Variants in LRP2 observed in about 807,000 individuals in gnomAD.
LRP2 encodes the protein LDL receptor related protein 2, also known as low-density lipoprotein receptor-related protein 2.
A neutral mutation model predicts 531.0 loss-of-function variants in LRP2; 172 were observed. That is an observed-to-expected ratio of 0.32 (90% CI 0.29 to 0.37). The LOEUF (loss-of-function observed/expected upper bound fraction) is 0.37. LRP2 is among the 10% of genes least tolerant of loss of function. The pLI is 1.00. For missense variants in LRP2, 5,167 were observed against 5,868.3 expected, an observed-to-expected ratio of 0.88 and a Z score of 3.90; for synonymous variants, 1,992 against 2,027.6, an observed-to-expected ratio of 0.98 and a Z score of 0.47.
rs1040940590 is a variant in LRP2, at chr2:169,181,457, C to A, written c.10160G>T (p.Gly3387Val). 1 of 1,613,954 alleles carries A rather than the reference C, an allele frequency of 6.2e-7. No individual in the cohort carries two copies. The highest frequency in any genetic ancestry group is 1.3e-5 in the African/African-American group (1 of 74,926). ...DLLYWADAHL[G>V]YIEYSDLEGH... ...TTTTCTATGTACGTACTCTATGTAA[C>A]CCAGGTGGGCATCTGCCCAGTAGAG... is the stretch of plus-strand genomic sequence containing the variant. The change falls in exon 52 of 79, where the codon GGT (glycine) becomes GTT (valine). Residue 3387 changes from glycine to valine, a missense_variant. Around this residue, in one of 6 missense-constraint regions of LRP2, gnomAD observed 1,129 missense variants for 1,362.7 expected, o/e 0.83. Coordinates refer to ENST00000649046, the MANE Select transcript of LRP2 (RefSeq NM_004525.3).
intron 18 of LRP2, among the ~76,000 whole-genome samples, chr2:169,256,702 A>G (rs968004680): frequency 2.6e-5 from 4 of 152,116 alleles, no homozygotes; most frequent in South Asian, 4.1e-4. Context: ...CCCAAAGTGC[A>G]TGTAAGCAAA....
At chr2:169,224,645 C>G (rs754872688) in intron 33 of LRP2, among the ~76,000 whole-genome samples, 58 of 152,134 alleles carry the variant, frequency 3.8e-4, no homozygotes, top group Admixed American at 2.3e-3. Flanking sequence ...TCTCTGCTTA[C>G]CATAATCTTC....
intron 22 of LRP2, among the ~76,000 whole-genome samples, chr2:169,244,474 C>G (rs1689928716): frequency 6.6e-6 from 1 of 152,138 alleles, no homozygotes; most frequent in South Asian, 2.1e-4. Context: ...GCTTTGCTTC[C>G]ATAGAACTCA....
chr2:169,311,698 T>C (rs1054810874), intron 3 of LRP2, among the ~76,000 whole-genome samples: 14 of 152,208 alleles, frequency 9.2e-5, no homozygotes, highest in African/African-American at 3.4e-4. Context: ...TGGAGAGTTC[T>C]GTAGATGTCT....
At chr2:169,159,299 T>G (rs1017587405) in intron 63 of LRP2, among the ~76,000 whole-genome samples, 1 of 152,214 alleles carries the variant, frequency 6.6e-6, no homozygotes, top group African/African-American at 2.4e-5. Context: ...CTATCTGTTT[T>G]CCATAGTATG....
At chr2:169,291,035 G>A (rs765701189) in intron 7 of LRP2, 38 bp from the exon 8 acceptor site, 17 of 1,602,020 alleles carry the variant, frequency 1.1e-5, no homozygotes, top group South Asian at 6.6e-5. Context: ...GGCCATAGGG[G>A]AGGTACAGCC....
chr2:169,132,075 G>T (rs565437263), intron 77 of LRP2, among the ~76,000 whole-genome samples: 84 of 152,150 alleles, frequency 5.5e-4, no homozygotes, highest in African/African-American at 1.8e-3. Context: ...TTAGATGATT[G>T]GTTGGCCAAT....
chr2:169,284,686 T>C (rs1042229499), intron 9 of LRP2, among the ~76,000 whole-genome samples: 1 of 152,162 alleles, frequency 6.6e-6, no homozygotes, highest in African/African-American at 2.4e-5. Flanking sequence ...CAATCCGATC[T>C]GGACACTACC....
intron 1 of LRP2, among the ~76,000 whole-genome samples, chr2:169,347,466 A>G (rs963007939): frequency 1.3e-5 from 2 of 152,134 alleles, no homozygotes; most frequent in African/African-American, 4.8e-5. Context: ...TTTTTTCATT[A>G]GTAGTAAACA....
At chr2:169,147,847 C>A (rs1198611260) in intron 68 of LRP2, among the ~76,000 whole-genome samples, 2 of 152,084 alleles carry the variant, frequency 1.3e-5, no homozygotes, top group African/African-American at 4.8e-5. Flanking sequence ...CCCAGGAAGG[C>A]AGACCTACCC....
chr2:169,280,439 C>A lies in LRP2; in HGVS notation c.1252G>T (p.Val418Leu), dbSNP rs1434079904. The change falls in exon 11 of 79, where the codon GTG becomes TTG. Residue 418 changes from valine to leucine, a missense_variant. Val to Leu is a conservative substitution (Grantham distance 32, BLOSUM62 1). Around this residue, in one of 6 missense-constraint regions of LRP2, gnomAD observed 2,811 missense variants for 3,058.0 expected, o/e 0.92. Transcript: ENST00000649046. ...DIHGRSFRIL[V>L]ESQNRGVAVG... ...GCCACTCCACGATTCTGAGACTCCA[C>A]TAGGATCCGGAAGCTCCTTCCATGA... 1 of 1,614,082 alleles carries A rather than the reference C, an allele frequency of 6.2e-7. No individual in the cohort carries two copies. Among genetic ancestry groups the A allele is most frequent in the Non-Finnish European group, 8.5e-7 (1 of 1,180,040 alleles).
At chr2:169,136,744 ACT>A (rs1349798209) in intron 76 of LRP2, among the ~76,000 whole-genome samples, 1 of 150,080 alleles carries the variant, frequency 6.7e-6, no homozygotes, top group Non-Finnish European at 1.5e-5. Flanking sequence ...CCCTTCGCTG[ACT>A]CTCTTTTCGG....
intron 1 of LRP2, among the ~76,000 whole-genome samples, chr2:169,324,281 T>G (rs1017215597): frequency 6.6e-6 from 1 of 152,160 alleles, no homozygotes; most frequent in Non-Finnish European, 1.5e-5. Flanking sequence ...TCGTGCTACT[T>G]GACCACTACT....
At chr2:169,282,803 C>A in intron 10 of LRP2, 70 bp downstream of exon 10, 3 of 1,518,106 alleles carry the variant, frequency 2.0e-6, no homozygotes, top group Admixed American at 3.3e-5. Context: ...CTGTTGTCAT[C>A]AGAAGGAAGG....
At chr2:169,197,524 T>C (rs1397983882) in intron 45 of LRP2, among the ~76,000 whole-genome samples, 1 of 152,252 alleles carries the variant, frequency 6.6e-6, no homozygotes, top group Non-Finnish European at 1.5e-5. Context: ...AGACTTTTAG[T>C]TGAGTAAGTG....
Position 169,157,250 on chromosome 2 carries a change from G to A in LRP2, c.12019+121C>T, listed in dbSNP as rs1325765493. ...GAGTAGTTTAATGACCTAGAACCAT[G>A]AAACCATGAGTATGGTACCATTAAG... On this transcript the variant is annotated intron_variant, in intron 64 of 78. Coordinates refer to ENST00000649046, the MANE Select transcript of LRP2 (RefSeq NM_004525.3). The A allele has an allele frequency of 4.7e-5, 51 of 1,083,112 alleles. No individual in the cohort carries two copies. The East Asian group carries it at 1.3e-3, about 27-fold the overall frequency. The allele number at this position is 1,083,112 out of a possible 1,614,324, so 67.1% of individuals were successfully genotyped here. A position where few individuals can be genotyped will look rare whatever the true frequency, so the allele number is the denominator to read the frequency against.
At chr2:169,286,541 C>T (rs1374222577) in intron 9 of LRP2, among the ~76,000 whole-genome samples, 6 of 152,194 alleles carry the variant, frequency 3.9e-5, no homozygotes, top group African/African-American at 7.2e-5. Flanking sequence ...GACAGCCTTT[C>T]GCTTTGTGAG....
chr2:169,176,846 T>A (rs561200418), intron 53 of LRP2, among the ~76,000 whole-genome samples: 2 of 152,214 alleles, frequency 1.3e-5, no homozygotes, highest in African/African-American at 4.8e-5. Context: ...CTAGAAAAGA[T>A]GTGTTTCTCC....
At chr2:169,141,797 A>C (rs2105341350) in intron 71 of LRP2, among the ~76,000 whole-genome samples, 1 of 152,260 alleles carries the variant, frequency 6.6e-6, no homozygotes, top group South Asian at 2.1e-4. Flanking sequence ...TTGGATTCCT[A>C]CCAATATTTC....
Sources: gnomAD v4.1 joint callset for allele counts (sites outside exome capture counted in the v4.1 genomes callset) on GRCh38, gnomAD v4.1.1 for gene constraint, gnomAD v4.1.1 regional missense constraint, MANE v1.5 for transcripts, NCBI Gene and HGNC (gene_info 2026-07-23, HGNC 2026-07-21) for gene names.